Variants in MED15 observed in about 807,000 individuals in gnomAD.
MED15 encodes mediator complex subunit 15.
In MED15, 41 loss-of-function variants were observed where a neutral mutation model predicts 118.7. The ratio of observed to expected loss-of-function variants is 0.35; its 90% CI spans 0.27 to 0.45. MED15 has a LOEUF of 0.45. Among genes scored for constraint, MED15 ranks in the 20% least tolerant of loss-of-function variants. The pLI, the probability that MED15 is intolerant of heterozygous loss-of-function variation, is 1.00. For missense variants in MED15, 740 were observed against 1,025.5 expected (o/e 0.72, Z 3.80); for synonymous variants, 436 against 413.9 (o/e 1.05, Z -0.65).
At chr22:20,572,755 CA>C (rs1483466021) in intron 8 of MED15, among the ~76,000 whole-genome samples, 1 of 151,908 alleles carries the variant, frequency 6.6e-6, no homozygotes, top group Non-Finnish European at 1.5e-5. Context: ...CCTGTCTCTA[CA>C]AAAAAATAAA....
intron 1 of MED15, among the ~76,000 whole-genome samples, chr22:20,531,364 C>T (rs1408561004): frequency 6.6e-6 from 1 of 152,254 alleles, no homozygotes; most frequent in Admixed American, 6.5e-5. Context: ...CTGCCTGGCC[C>T]TGTCTGTGCA....
intron 14 of MED15, 21 bp downstream of exon 14, chr22:20,584,446 C>T (rs1486115640): frequency 6.2e-7 from 1 of 1,612,426 alleles, no homozygotes; most frequent in Non-Finnish European, 8.5e-7. Context: ...TGCCAGACAC[C>T]CCTAGGGGAA....
intron 1 of MED15, among the ~76,000 whole-genome samples, chr22:20,532,452 G>A (rs957063220): frequency 5.3e-5 from 8 of 152,222 alleles, no homozygotes; most frequent in African/African-American, 2.4e-5. Flanking sequence ...CCAAGGGCCT[G>A]TAATGATGAA....
intron 2 of MED15, among the ~76,000 whole-genome samples, chr22:20,549,837 C>T (rs1190843771): frequency 6.6e-6 from 1 of 152,186 alleles, no homozygotes; most frequent in African/African-American, 2.4e-5. Context: ...ATGATGCCTG[C>T]CCACTGCATT....
In MED15 at chr22:20,515,872, G is replaced by A. The variant is rs185476090; in HGVS notation, c.68+8126G>A. Among the ~76,000 whole-genome samples the A allele has an allele frequency of 2.0e-3, 306 of 152,032 alleles. 1 individual carries two copies. The highest frequency in any genetic ancestry group is 6.8e-3 in the African/African-American group (284 of 41,486). On this transcript the variant is annotated intron_variant, in intron 1 of 17. Coordinates refer to ENST00000263205, the MANE Select transcript of MED15 (RefSeq NM_001003891.3). ...ACAAAAATTAGCCAGGCATAGTGGT[G>A]CACACCTGTAGTCCCAGCTACTTGG...
At chr22:20,559,591 G>A (rs177422) in intron 5 of MED15, among the ~76,000 whole-genome samples, 21,850 of 152,204 alleles carry the variant, frequency 0.14, 1,917 homozygotes, top group South Asian at 0.21. Context: ...GAGCACCAAA[G>A]GCCAGAGGAA....
intron 4 of MED15, chr22:20,554,548 C>T (rs916008770): frequency 3.6e-5 from 6 of 167,324 alleles, no homozygotes; most frequent in Non-Finnish European, 7.7e-5. Flanking sequence ...ACTGTGTTAC[C>T]GCTTGCTCAG....
chr22:20,532,219 G>T (rs1453948166), intron 1 of MED15, among the ~76,000 whole-genome samples: 2 of 152,226 alleles, frequency 1.3e-5, no homozygotes, highest in Non-Finnish European at 2.9e-5. Flanking sequence ...TTGGGGCAAA[G>T]ATTTGAACTT....
rs998204752 is a variant in MED15 at position 20,585,219 on chromosome 22, C to G, written c.2083C>G (p.Pro695Ala). The G allele has an allele frequency of 1.2e-6, 2 of 1,613,698 alleles. No homozygotes were observed. The highest frequency in any genetic ancestry group is 1.7e-6 in the Non-Finnish European group (2 of 1,180,000). The change falls in exon 16 of 18, where the codon CCT (proline) becomes GCT (alanine). Residue 695 changes from proline to alanine, a missense_variant. This residue lies in a region of MED15 where 179 missense variants were observed against 259.0 expected (regional missense o/e 0.69). Transcript: ENST00000263205. Reference protein sequence around the residue: ...LDPKFLVNLDPSHCSNNGTVH... With the variant: ...LDPKFLVNLDASHCSNNGTVH... ...CCCCAAGTTCCTGGTAAACCTGGAC[C>G]CTTCTCACTGCAGCAACAATGGCAC...
intron 9 of MED15, among the ~76,000 whole-genome samples, chr22:20,578,296 G>C (rs2056882202): frequency 6.6e-6 from 1 of 152,242 alleles, no homozygotes; most frequent in African/African-American, 2.4e-5. Flanking sequence ...AGGAGTTGAG[G>C]GAGGGAGAAA....
Position 20,585,650 on chromosome 22 carries a change from T to C in MED15, c.2132-78T>C, listed in dbSNP as rs909651268. ...CACCAGAACCTCCCTGGGTGTGGAG[T>C]CCTGTTCCAGAGCAGGGCTGTGAGG... On this transcript the variant is annotated intron_variant, in intron 16 of 17. Coordinates refer to ENST00000263205, the MANE Select transcript of MED15 (RefSeq NM_001003891.3). The C allele has an allele frequency of 4.5e-6, 6 of 1,326,414 alleles. No homozygotes were observed. The African/African-American group carries it at 8.7e-5, about 19-fold the overall frequency. The allele number at this position is 1,326,414 out of a possible 1,614,324, so 82.2% of individuals were successfully genotyped here.
intron 2 of MED15, among the ~76,000 whole-genome samples, chr22:20,538,207 A>G (rs905768704): frequency 1.3e-5 from 2 of 151,756 alleles, no homozygotes; most frequent in Non-Finnish European, 2.9e-5. Flanking sequence ...TAGGCCTCCC[A>G]AAGTGCTGGG....
At chr22:20,532,336 C>G (rs1031779985) in intron 1 of MED15, among the ~76,000 whole-genome samples, 10 of 152,242 alleles carry the variant, frequency 6.6e-5, no homozygotes, top group African/African-American at 2.4e-4. Flanking sequence ...TTGATGTATC[C>G]CTGCTGGCTG....
Position 20,583,156 on chromosome 22 carries a change from T to C in MED15, c.1581T>C (p.Ala527=). Residue 527 remains alanine, a synonymous_variant, in exon 12 of 18, where the codon GCT becomes GCC. Coordinates refer to ENST00000263205, the MANE Select transcript of MED15 (RefSeq NM_001003891.3). The part of the protein sequence containing the change: ...SVMSPAGSSQ[A]EEQQYLDKLK... Reference sequence around the variant, plus strand: ...TGAGCCCAGCTGGCTCCAGCCAGGCTGAGGAGCAGCAGTACCTGGACAAGC... The same window carrying C: ...TGAGCCCAGCTGGCTCCAGCCAGGCCGAGGAGCAGCAGTACCTGGACAAGC... 6.2e-7 allele frequency: 1 copy of C among 1,608,848 alleles called. No individual in the cohort carries two copies. Among genetic ancestry groups the C allele is most frequent in the Non-Finnish European group, 8.5e-7 (1 of 1,177,872 alleles).
intron 5 of MED15, among the ~76,000 whole-genome samples, chr22:20,556,717 G>A (rs759918532): frequency 3.9e-5 from 6 of 152,102 alleles, no homozygotes; most frequent in Admixed American, 1.3e-4. Flanking sequence ...ATGCGGAGCC[G>A]TTCCATTACC....
chr22:20,566,494 C>T lies in MED15; in HGVS notation c.718C>T (p.Arg240Ter). The change falls in exon 7 of 18, where the codon CGA becomes TGA. Residue 240 changes from arginine to a stop codon, truncating the protein, a stop_gained. Transcript: ENST00000263205. LOFTEE classifies it high-confidence loss of function. ...QIQQQQQQLQ[R>*]IAQLQLQQQQ... The stretch of plus-strand genomic sequence containing the variant: ...ACAGCAGCAGCAACAGCAGCTGCAG[C>T]GAATAGCACAGCTGCAGCTCCAACA... The T allele has an allele frequency of 6.2e-7, 1 of 1,610,470 alleles. No homozygotes were observed. The highest frequency in any genetic ancestry group is 8.5e-7 in the Non-Finnish European group (1 of 1,177,994).
intron 5 of MED15, among the ~76,000 whole-genome samples, chr22:20,559,066 G>T (rs2056129193): frequency 6.6e-6 from 1 of 152,092 alleles, no homozygotes; most frequent in African/African-American, 2.4e-5. Flanking sequence ...TAAGGCAGGG[G>T]GATTGCTTGA....
chr22:20,518,978 A>C (rs778205030), intron 1 of MED15: 1 of 413,972 alleles, frequency 2.4e-6, no homozygotes, highest in Non-Finnish European at 4.9e-6. Context: ...TCAGCCTCCC[A>C]AGTAGCTGGG....
At chr22:20,548,287 A>C (rs957587115) in intron 2 of MED15, among the ~76,000 whole-genome samples, 1 of 151,992 alleles carries the variant, frequency 6.6e-6, no homozygotes, top group Non-Finnish European at 1.5e-5. Flanking sequence ...TCAGCCTCCC[A>C]AGTAGCTGGG....
Sources: allele counts gnomAD v4.1 joint callset (sites outside exome capture counted in the v4.1 genomes callset), GRCh38; gene constraint gnomAD v4.1.1; regional missense constraint gnomAD v4.1.1; transcripts MANE v1.5; gene names NCBI Gene and HGNC (gene_info 2026-07-23, HGNC 2026-07-21).